The following ZBTB20 variants were observed in gnomAD, a reference collection of about 807,000 sequenced individuals.
The protein encoded by ZBTB20 is zinc finger and BTB domain containing 20, also known as zinc finger and BTB domain-containing protein 20.
In ZBTB20, 9 loss-of-function variants were observed where a neutral mutation model predicts 56.9. The observed-to-expected ratio is 0.16, with a 90% confidence interval of 0.10 to 0.28. The LOEUF (loss-of-function observed/expected upper bound fraction) is 0.28. Ranked by LOEUF, ZBTB20 falls within the 10% of genes least tolerant of loss-of-function variation. The probability of loss-of-function intolerance (pLI) is 1.00; values close to 1 mark genes in which losing one functional copy is unlikely to be tolerated. For synonymous variants in ZBTB20, 417 were observed against 420.7 expected, an observed-to-expected ratio of 0.99 and a Z score of 0.11; for missense variants, 655 against 1,003.0, an observed-to-expected ratio of 0.65 and a Z score of 4.69.
intron 5 of ZBTB20, among the ~76,000 whole-genome samples, chr3:114,702,256 G>A (rs2063439081): frequency 6.6e-6 from 1 of 152,118 alleles, no homozygotes; most frequent in Non-Finnish European, 1.5e-5. Flanking sequence ...GGCTGAGGCT[G>A]AGGATTGATT....
intron 3 of ZBTB20, among the ~76,000 whole-genome samples, chr3:114,960,265 CTA>C (rs1352064420): frequency 6.6e-6 from 1 of 152,098 alleles, no homozygotes; most frequent in South Asian, 2.1e-4. Flanking sequence ...AAGCACAAAA[CTA>C]TGTTAGATAT....
rs571222205 is a variant in ZBTB20 at position 114,822,658 on chromosome 3, C to T, written c.-416-21484G>A. ...TTTAAGTAATAATAAGAAAGTGAAT[C>T]TTCACCAAATGAGAAAATGAATGTG... On this transcript the variant is annotated intron_variant, in intron 4 of 11. Coordinates refer to ENST00000675478, the MANE Select transcript of ZBTB20 (RefSeq NM_001348800.3). Among the ~76,000 whole-genome samples, 35 of 152,152 alleles carry T rather than the reference C, an allele frequency of 2.3e-4. No individual in the cohort carries two copies. In the South Asian group the frequency reaches 6.9e-3, roughly 30 times the overall value.
At chr3:114,896,556 A>C (rs1170462997) in intron 4 of ZBTB20, among the ~76,000 whole-genome samples, 1 of 152,128 alleles carries the variant, frequency 6.6e-6, no homozygotes, top group East Asian at 1.9e-4. Context: ...TCAAAATGAC[A>C]GAGACAGACA....
At chr3:114,450,761 C>T (rs1478110257) in intron 7 of ZBTB20, among the ~76,000 whole-genome samples, 1 of 152,010 alleles carries the variant, frequency 6.6e-6, no homozygotes, top group African/African-American at 2.4e-5. Context: ...AAAATCAGAA[C>T]TCTCTAAAGC....
At chr3:114,341,558 G>C (rs1012673665) in intron 11 of ZBTB20, among the ~76,000 whole-genome samples, 2 of 152,166 alleles carry the variant, frequency 1.3e-5, no homozygotes, top group Non-Finnish European at 2.9e-5. Flanking sequence ...CACCTTCTGT[G>C]TGTTTTTCCT....
At chr3:114,918,508 A>G (rs998797163) in intron 3 of ZBTB20, among the ~76,000 whole-genome samples, 4 of 152,180 alleles carry the variant, frequency 2.6e-5, no homozygotes, top group Non-Finnish European at 5.9e-5. Context: ...GTCTCACTCA[A>G]TGCCCATGAC....
intron 6 of ZBTB20, among the ~76,000 whole-genome samples, chr3:114,509,383 CA>C (rs1188096984): frequency 1.3e-5 from 2 of 151,116 alleles, no homozygotes; most frequent in Non-Finnish European, 2.9e-5. Flanking sequence ...CAGTTTTTTT[CA>C]CAGGTAATAA....
intron 6 of ZBTB20, among the ~76,000 whole-genome samples, chr3:114,641,669 CTA>C (rs2059570209): frequency 6.6e-6 from 1 of 151,674 alleles, no homozygotes; most frequent in South Asian, 2.1e-4. Context: ...TCCTAGATCT[CTA>C]TAGACATGTT....
chr3:114,756,166 CA>C (rs1194785736), intron 5 of ZBTB20, among the ~76,000 whole-genome samples: 1 of 151,782 alleles, frequency 6.6e-6, no homozygotes, highest in Non-Finnish European at 1.5e-5. Flanking sequence ...GACAAATAAA[CA>C]AAACAAAAAC....
At chr3:115,015,658 T>C (rs2079921282) in intron 2 of ZBTB20, among the ~76,000 whole-genome samples, 2 of 151,982 alleles carry the variant, frequency 1.3e-5, no homozygotes, top group South Asian at 4.1e-4. Flanking sequence ...CTCATTTCTT[T>C]TTATGGCTGC....
intron 7 of ZBTB20, among the ~76,000 whole-genome samples, chr3:114,466,902 A>G (rs932383033): frequency 2.0e-5 from 3 of 152,232 alleles, no homozygotes; most frequent in Admixed American, 6.5e-5. Context: ...GTTGCTAAAA[A>G]AAATCTGTAG....
At chr3:114,825,083 C>T (rs1479445019) in intron 4 of ZBTB20, among the ~76,000 whole-genome samples, 1 of 151,892 alleles carries the variant, frequency 6.6e-6, no homozygotes, top group Non-Finnish European at 1.5e-5. Context: ...GGCTCCTCTA[C>T]CATCTTTACT....
chr3:114,403,766 C>T (rs2087031271), intron 7 of ZBTB20, among the ~76,000 whole-genome samples: 2 of 151,910 alleles, frequency 1.3e-5, no homozygotes, highest in African/African-American at 4.8e-5. Context: ...TACAAAACAA[C>T]ATTGGTGGGA....
chr3:115,079,137 A>G (rs766071453), intron 1 of ZBTB20, among the ~76,000 whole-genome samples: 1 of 152,186 alleles, frequency 6.6e-6, no homozygotes, highest in Non-Finnish European at 1.5e-5. Context: ...ACTGTTCACT[A>G]AGAAAATATG....
chr3:114,509,617 C>T (rs550020022), intron 6 of ZBTB20, among the ~76,000 whole-genome samples: 1 of 152,238 alleles, frequency 6.6e-6, no homozygotes, highest in African/African-American at 2.4e-5. Flanking sequence ...TTCTTCTTCT[C>T]AAAAGTCATA....
chr3:114,596,639 C>A (rs898571056), intron 6 of ZBTB20, among the ~76,000 whole-genome samples: 1 of 152,118 alleles, frequency 6.6e-6, no homozygotes, highest in African/African-American at 2.4e-5. Flanking sequence ...ATGTACACAG[C>A]CGGCCACAGC....
intron 1 of ZBTB20, among the ~76,000 whole-genome samples, chr3:115,115,689 A>G (rs1254243465): frequency 2.0e-5 from 3 of 152,018 alleles, no homozygotes; most frequent in African/African-American, 7.2e-5. Flanking sequence ...CCAATGGTAA[A>G]TATGTTTGTA....
intron 6 of ZBTB20, among the ~76,000 whole-genome samples, chr3:114,646,503 A>T (rs1205381550): frequency 6.6e-6 from 1 of 152,168 alleles, no homozygotes; most frequent in East Asian, 1.9e-4. Context: ...TTTGTTGTGG[A>T]AGTTGACAGA....
chr3:114,561,678 C>T (rs2052073793), intron 6 of ZBTB20, among the ~76,000 whole-genome samples: 2 of 151,882 alleles, frequency 1.3e-5, no homozygotes, highest in South Asian at 2.1e-4. Flanking sequence ...TTTATTATTC[C>T]ATTTATAGAG....
Sources: gnomAD v4.1 joint callset for allele counts (sites outside exome capture counted in the v4.1 genomes callset) on GRCh38, gnomAD v4.1.1 for gene constraint, MANE v1.5 for transcripts, NCBI Gene and HGNC (gene_info 2026-07-23, HGNC 2026-07-21) for gene names.